MPDZ: variants seen among roughly 807,000 people sequenced by gnomAD.
MPDZ encodes multiple PDZ domain protein.
A neutral mutation model predicts 239.1 loss-of-function variants in MPDZ; 234 were observed. The ratio of observed to expected loss-of-function variants is 0.98; its 90% CI spans 0.88 to 1.09. MPDZ has a LOEUF of 1.09. Ranked by LOEUF, MPDZ falls within the 50% of genes least tolerant of loss-of-function variation. The probability of loss-of-function intolerance (pLI) is 0.00; values close to 1 mark genes in which losing one functional copy is unlikely to be tolerated. For missense variants in MPDZ, 3,175 were observed against 2,510.0 expected, an observed-to-expected ratio of 1.26 and a Z score of -5.66; for synonymous variants, 1,048 against 881.3, an observed-to-expected ratio of 1.19 and a Z score of -3.35.
intron 2 of MPDZ, among the ~76,000 whole-genome samples, chr9:13,249,222 T>C (rs1342163621): frequency 1.3e-5 from 2 of 152,228 alleles, no homozygotes; most frequent in East Asian, 1.9e-4. Flanking sequence ...TTCTGTTATA[T>C]GTCCCATGTT....
intron 24 of MPDZ, 62 bp from the exon 25 acceptor site, chr9:13,150,750 CT>C (rs1482894795): frequency 4.8e-5 from 54 of 1,135,818 alleles, no homozygotes; most frequent in East Asian, 6.4e-5. Context: ...CTTCATGATG[CT>C]GAATTTGGCA....
At chr9:13,216,329 G>A (rs1958335481) in intron 10 of MPDZ, among the ~76,000 whole-genome samples, 1 of 148,782 alleles carries the variant, frequency 6.7e-6, no homozygotes, top group Non-Finnish European at 1.5e-5. Context: ...ATATCCTCAG[G>A]GCTGAAAGCA....
chr9:13,141,789 G>A (rs753657830), intron 27 of MPDZ, among the ~76,000 whole-genome samples: 3 of 152,100 alleles, frequency 2.0e-5, no homozygotes, highest in Non-Finnish European at 4.4e-5. Flanking sequence ...AAAGCAAATC[G>A]CTGACTGATA....
intron 24 of MPDZ, among the ~76,000 whole-genome samples, chr9:13,152,210 C>A (rs1949266970): frequency 6.6e-6 from 1 of 152,138 alleles, no homozygotes; most frequent in Non-Finnish European, 1.5e-5. Flanking sequence ...GACCTGGTCA[C>A]TAACAGTCAA....
At chr9:13,174,693 C>G (rs2134129213) in intron 21 of MPDZ, among the ~76,000 whole-genome samples, 1 of 152,268 alleles carries the variant, frequency 6.6e-6, no homozygotes, top group Middle Eastern at 3.4e-3. Flanking sequence ...TCTGGCATGG[C>G]TTAGATATCT....
At chr9:13,175,371 C>T (rs890759650) in intron 21 of MPDZ, among the ~76,000 whole-genome samples, 1 of 152,162 alleles carries the variant, frequency 6.6e-6, no homozygotes, top group Non-Finnish European at 1.5e-5. Context: ...CTGACTTATA[C>T]ATCACTGGTA....
intron 19 of MPDZ, among the ~76,000 whole-genome samples, chr9:13,179,940 T>C (rs1054910967): frequency 5.3e-5 from 8 of 152,098 alleles, no homozygotes; most frequent in African/African-American, 1.4e-4. Flanking sequence ...ATTTAAAAAA[T>C]AGATTGCAAC....
Position 13,183,170 on chromosome 9 carries a change from C to T in MPDZ, c.2649+248G>A, listed in dbSNP as rs143671933. 2.8e-3 allele frequency among the ~76,000 whole-genome samples: 423 copies of T among 152,080 alleles called. 5 individuals are homozygous for T. Among genetic ancestry groups the T allele is most frequent in the African/African-American group, 9.7e-3 (404 of 41,520 alleles). On this transcript the variant is annotated intron_variant, in intron 19 of 46. Transcript: ENST00000319217. ...AATTTTTCTTTCTGACATGCAAACC[C>T]TAATCAAAGCTTTGAGCCTCTGTAT...
At chr9:13,140,898 C>T (rs1344696472) in intron 27 of MPDZ, 1 of 152,154 alleles carries the variant, frequency 6.6e-6, no homozygotes, top group Non-Finnish European at 1.5e-5. Flanking sequence ...AAGTATCACA[C>T]ATGCAGGCTT....
At chr9:13,235,350 A>G (rs1331697651) in intron 3 of MPDZ, among the ~76,000 whole-genome samples, 1 of 152,190 alleles carries the variant, frequency 6.6e-6, no homozygotes, top group Non-Finnish European at 1.5e-5. Context: ...GCACAATTTT[A>G]CATTTTCTAT....
chr9:13,195,701 G>C (rs1002823270), intron 13 of MPDZ, among the ~76,000 whole-genome samples: 9 of 152,054 alleles, frequency 5.9e-5, no homozygotes, highest in African/African-American at 2.2e-4. Context: ...TAAATACATA[G>C]GAGTGGAAAA....
At chr9:13,208,295 T>A (rs771856627) in intron 10 of MPDZ, among the ~76,000 whole-genome samples, 1 of 151,786 alleles carries the variant, frequency 6.6e-6, no homozygotes, top group Admixed American at 6.6e-5. Flanking sequence ...AACAGAAAAA[T>A]TACCCAGGCG....
chr9:13,226,436 T>C (rs1210027498), intron 3 of MPDZ, among the ~76,000 whole-genome samples: 1 of 152,068 alleles, frequency 6.6e-6, no homozygotes, highest in East Asian at 1.9e-4. Context: ...TCTGACCTCA[T>C]CTCCTAGCAG....
In MPDZ at chr9:13,147,665, T is replaced by C. The variant is rs1369520319; in HGVS notation, c.3631-7A>G. ...TGAGGTCCATTCCATCCACCTGCAATGGAAGGCCTCAGCTTAACATTTCAA... is the reference window on the plus strand; with the variant it reads ...TGAGGTCCATTCCATCCACCTGCAACGGAAGGCCTCAGCTTAACATTTCAA... On this transcript the variant is annotated splice_region_variant and splice_polypyrimidine_tract_variant and intron_variant, in intron 25 of 46. Coordinates refer to ENST00000319217, the MANE Select transcript of MPDZ (RefSeq NM_001378778.1). The C allele has an allele frequency of 6.2e-6, 10 of 1,603,500 alleles. No homozygotes were observed. The African/African-American group carries it at 1.2e-4, about 19-fold the overall frequency.
Position 13,123,142 on chromosome 9 carries a change from G to T in MPDZ, c.4953+11C>A. The stretch of plus-strand genomic sequence containing the variant: ...ACGGCCTGTACAGAAGCACCTCTGG[G>T]TGGTGCTCACCAGCAGCGTGTCTGA... On this transcript the variant is annotated intron_variant, in intron 36 of 46. Transcript: ENST00000319217. 1 of 1,609,828 alleles carries T rather than the reference G, an allele frequency of 6.2e-7. No individual in the cohort carries two copies.
intron 21 of MPDZ, among the ~76,000 whole-genome samples, chr9:13,172,044 T>C (rs568626110): frequency 2.8e-4 from 42 of 152,372 alleles, no homozygotes; most frequent in Admixed American, 3.9e-4. Flanking sequence ...AATGCTTTAA[T>C]ATTTACATAG....
chr9:13,209,360 C>A (rs1368862595), intron 10 of MPDZ, among the ~76,000 whole-genome samples: 2 of 152,126 alleles, frequency 1.3e-5, no homozygotes, highest in Non-Finnish European at 2.9e-5. Flanking sequence ...AGGCAAAATC[C>A]CCCAGTGTGA....
intron 24 of MPDZ, among the ~76,000 whole-genome samples, 186 bp downstream of exon 24, chr9:13,157,831 GT>G (rs749351058): frequency 2.8e-4 from 42 of 152,042 alleles, no homozygotes; most frequent in Non-Finnish European, 5.1e-4. Context: ...ATATATGTTA[GT>G]TTTAACCCTG....
intron 29 of MPDZ, among the ~76,000 whole-genome samples, chr9:13,137,134 G>A (rs1241655792): frequency 6.6e-6 from 1 of 152,032 alleles, no homozygotes; most frequent in African/African-American, 2.4e-5. Context: ...CAAAACGAGG[G>A]CTCTGTGGAA....
Sources: allele counts gnomAD v4.1 joint callset (sites outside exome capture counted in the v4.1 genomes callset), GRCh38; gene constraint gnomAD v4.1.1; transcripts MANE v1.5; gene names NCBI Gene and HGNC (gene_info 2026-07-23, HGNC 2026-07-21).